Variants in SIPA1L1 observed in about 807,000 individuals in gnomAD.
SIPA1L1 encodes signal induced proliferation associated 1 like 1, also known as signal-induced proliferation-associated 1-like protein 1.
Under a neutral mutation model 162.7 loss-of-function variants are expected in SIPA1L1, and 26 were observed. The observed-to-expected ratio is 0.16, with a 90% CI of 0.12 to 0.22. The LOEUF is 0.22. Ranked by LOEUF, SIPA1L1 falls within the 10% of genes least tolerant of loss-of-function variation. The probability of loss-of-function intolerance (pLI) is 1.00; values close to 1 mark genes in which losing one functional copy is unlikely to be tolerated. For synonymous variants in SIPA1L1, 829 were observed against 837.4 expected, an observed-to-expected ratio of 0.99 and a Z score of 0.17; for missense variants, 1,874 against 2,241.0, an observed-to-expected ratio of 0.84 and a Z score of 3.31.
At chr14:71,599,909 G>A (rs888305990) in intron 5 of SIPA1L1, among the ~76,000 whole-genome samples, 1 of 152,072 alleles carries the variant, frequency 6.6e-6, no homozygotes, top group African/African-American at 2.4e-5. Flanking sequence ...TTGGCCATAT[G>A]TGTGTATTCT....
intron 5 of SIPA1L1, among the ~76,000 whole-genome samples, chr14:71,609,766 C>T (rs944369272): frequency 1.1e-4 from 16 of 152,164 alleles, no homozygotes; most frequent in African/African-American, 3.6e-4. Flanking sequence ...CGCGCCTGGC[C>T]AATTCTTTGT....
At chr14:71,427,039 C>A (rs1350640989) in intron 2 of SIPA1L1, among the ~76,000 whole-genome samples, 4 of 152,168 alleles carry the variant, frequency 2.6e-5, no homozygotes, top group African/African-American at 9.7e-5. Flanking sequence ...TCTTAAATCA[C>A]AGAGCAAACA....
At chr14:71,437,733 C>G (rs1278031433) in intron 2 of SIPA1L1, among the ~76,000 whole-genome samples, 1 of 152,150 alleles carries the variant, frequency 6.6e-6, no homozygotes, top group Non-Finnish European at 1.5e-5. Context: ...TCACAACAAA[C>G]ATTTCTGTTT....
At chr14:71,689,625 A>G (rs1026305806) in intron 13 of SIPA1L1, among the ~76,000 whole-genome samples, 3 of 152,234 alleles carry the variant, frequency 2.0e-5, no homozygotes, top group Admixed American at 1.3e-4. Flanking sequence ...CAGACATCTT[A>G]GCATGTAAAA....
chr14:71,337,449 G>A (rs1034033185), intron 2 of SIPA1L1, among the ~76,000 whole-genome samples: 3 of 152,112 alleles, frequency 2.0e-5, no homozygotes, highest in African/African-American at 7.2e-5. Context: ...ACATGGCTGG[G>A]GAAGCCTCAC....
intron 2 of SIPA1L1, among the ~76,000 whole-genome samples, chr14:71,423,221 C>T (rs1468722363): frequency 6.6e-6 from 1 of 151,994 alleles, no homozygotes; most frequent in Non-Finnish European, 1.5e-5. Flanking sequence ...ATGTTAATCC[C>T]TTGTCAGATA....
intron 17 of SIPA1L1, among the ~76,000 whole-genome samples, chr14:71,716,820 C>T (rs754823151): frequency 1.6e-4 from 24 of 152,226 alleles, no homozygotes; most frequent in Non-Finnish European, 3.2e-4. Context: ...TTGCTGTACA[C>T]GTGATCCATG....
At chr14:71,733,607 G>A (rs2085005700) in intron 20 of SIPA1L1, 59 bp from the exon 21 acceptor site, 1 of 1,565,510 alleles carries the variant, frequency 6.4e-7, no homozygotes, top group South Asian at 1.2e-5. Flanking sequence ...AAAGAGGTAA[G>A]TTTTGAGTGG....
intron 2 of SIPA1L1, among the ~76,000 whole-genome samples, chr14:71,442,316 G>A (rs146067851): frequency 1.4e-3 from 208 of 150,722 alleles, no homozygotes; most frequent in Non-Finnish European, 2.5e-3. Context: ...ATTTAATAAT[G>A]TATGTCTTTT....
chr14:71,328,076 AATG>A (rs2034047510), intron 2 of SIPA1L1, among the ~76,000 whole-genome samples: 2 of 152,318 alleles, frequency 1.3e-5, no homozygotes. Context: ...TTAGGATCTT[AATG>A]ATGAGTCTCA....
At chr14:71,696,379 A>T (rs943455683) in intron 13 of SIPA1L1, among the ~76,000 whole-genome samples, 23 of 152,360 alleles carry the variant, frequency 1.5e-4, no homozygotes, top group Non-Finnish European at 2.6e-4. Context: ...TGTAAGATGG[A>T]TGATACTCAC....
chr14:71,498,806 G>A (rs993046557), intron 2 of SIPA1L1, among the ~76,000 whole-genome samples: 3 of 152,166 alleles, frequency 2.0e-5, no homozygotes, highest in Non-Finnish European at 4.4e-5. Context: ...TTCTTGATAA[G>A]TGAGGTATTA....
chr14:71,519,704 C>T (rs2052106337), intron 3 of SIPA1L1, among the ~76,000 whole-genome samples: 1 of 151,986 alleles, frequency 6.6e-6, no homozygotes, highest in Non-Finnish European at 1.5e-5. Context: ...TGGTGTCACA[C>T]ACCTGTAATC....
chr14:71,699,190 C>T, intron 14 of SIPA1L1, 63 bp downstream of exon 14: 1 of 1,483,874 alleles, frequency 6.7e-7, no homozygotes, highest in South Asian at 1.2e-5. Context: ...CATCTGTACT[C>T]AGACATGTAA....
chr14:71,359,243 C>T (rs749829687), intron 2 of SIPA1L1, among the ~76,000 whole-genome samples: 33 of 152,312 alleles, frequency 2.2e-4, no homozygotes, highest in Non-Finnish European at 3.5e-4. Flanking sequence ...CCCCTGCACA[C>T]GCTCTCTTGC....
At chr14:71,323,521 T>G (rs1269106533) in intron 2 of SIPA1L1, among the ~76,000 whole-genome samples, 4 of 152,196 alleles carry the variant, frequency 2.6e-5, no homozygotes, top group Non-Finnish European at 5.9e-5. Context: ...AGATTTTTTG[T>G]TGACATCTCA....
chr14:71,543,916 ATATAT>A (rs1220119755), intron 4 of SIPA1L1, among the ~76,000 whole-genome samples: 5 of 150,114 alleles, frequency 3.3e-5, no homozygotes, highest in Non-Finnish European at 7.4e-5. Context: ...GTATATATAC[ATATAT>A]CATACGTATA....
At chr14:71,445,910 C>T (rs562960582) in intron 2 of SIPA1L1, among the ~76,000 whole-genome samples, 3 of 151,986 alleles carry the variant, frequency 2.0e-5, no homozygotes, top group Non-Finnish European at 2.9e-5. Context: ...GTGCAGTGGC[C>T]CAGTCATAGC....
intron 2 of SIPA1L1, among the ~76,000 whole-genome samples, chr14:71,485,857 A>G (rs757789448): frequency 3.9e-5 from 6 of 152,114 alleles, no homozygotes; most frequent in Admixed American, 6.5e-5. Flanking sequence ...CCTGGCTTGT[A>G]AAACACAAGG....
Sources: gnomAD v4.1 joint callset for allele counts (sites outside exome capture counted in the v4.1 genomes callset) on GRCh38, gnomAD v4.1.1 for gene constraint, MANE v1.5 for transcripts, NCBI Gene and HGNC (gene_info 2026-07-23, HGNC 2026-07-21) for gene names.